RSPO3: variants seen among roughly 807,000 people sequenced by gnomAD.
RSPO3 encodes the protein R-spondin-3.
RSPO3 carries 17 observed loss-of-function variants against 36.5 expected under a neutral mutation model. The observed-to-expected ratio is 0.47, with a 90% CI of 0.32 to 0.70. RSPO3 has a LOEUF of 0.70. RSPO3 is among the 30% of genes least tolerant of loss of function. The probability of loss-of-function intolerance (pLI) is 0.04; values close to 1 mark genes in which losing one functional copy is unlikely to be tolerated. For missense variants in RSPO3, 294 were observed against 322.5 expected, an observed-to-expected ratio of 0.91 and a Z score of 0.68; for synonymous variants, 108 against 107.0, an observed-to-expected ratio of 1.01 and a Z score of -0.06.
chr6:127,144,972 G>A (rs1774353686), intron 1 of RSPO3, among the ~76,000 whole-genome samples: 1 of 152,012 alleles, frequency 6.6e-6, no homozygotes, highest in East Asian at 1.9e-4. Context: ...AGAGACTCAT[G>A]TGTGCATCTC....
At chr6:127,129,122 TC>T (rs1465785494) in intron 1 of RSPO3, among the ~76,000 whole-genome samples, 2 of 152,074 alleles carry the variant, frequency 1.3e-5, no homozygotes. Context: ...TTTCTACAGT[TC>T]CTGACTCACT....
rs888950336 is a variant in RSPO3 at position 127,198,366 on chromosome 6, A to C, written c.*2359A>C. The stretch of plus-strand genomic sequence containing the variant: ...TTTTAACTGTAATTCTCCATCCACC[A>C]GTAACAGATCCTTAAGACAATAGAA... On this transcript the variant is annotated 3_prime_UTR_variant, in exon 5 of 5. Coordinates refer to ENST00000356698, the MANE Select transcript of RSPO3 (RefSeq NM_032784.5). 2.0e-5 allele frequency among the ~76,000 whole-genome samples: 3 copies of C among 152,256 alleles called. No individual in the cohort carries two copies. The highest frequency in any genetic ancestry group is 2.9e-5 in the Non-Finnish European group (2 of 68,046).
At chr6:127,145,786 A>G (rs1249921356) in intron 1 of RSPO3, among the ~76,000 whole-genome samples, 1 of 152,200 alleles carries the variant, frequency 6.6e-6, no homozygotes, top group Non-Finnish European at 1.5e-5. Flanking sequence ...GAAATTCAAA[A>G]TGAAGTTAAT....
In RSPO3 at chr6:127,155,876, G is replaced by GTATATATA. The variant is rs35711172; in HGVS notation, c.634+447_634+454dup. Among the ~76,000 whole-genome samples the GTATATATA allele has an allele frequency of 1.9e-3, 278 of 148,592 alleles. 1 individual carries two copies. Among genetic ancestry groups the GTATATATA allele is most frequent in the African/African-American group, 6.2e-3 (249 of 40,240 alleles). ...TAGTGGTAAGCTTTTGTAGCTAAGT[G>GTATATATA]TATATATATATATATACACACACAC... On this transcript the variant is annotated intron_variant, in intron 4 of 4. Transcript: ENST00000356698.
chr6:127,147,404 T>G (rs1774406293), intron 1 of RSPO3, among the ~76,000 whole-genome samples: 1 of 152,172 alleles, frequency 6.6e-6, no homozygotes, highest in African/African-American at 2.4e-5. Context: ...AAGCCAGAAA[T>G]ACACTGGGAT....
chr6:127,180,622 A>AAGGCAGAT (rs1775165774), intron 4 of RSPO3, among the ~76,000 whole-genome samples: 1 of 151,376 alleles, frequency 6.6e-6, no homozygotes, highest in East Asian at 1.9e-4. Flanking sequence ...TGCAAGAAGT[A>AAGGCAGAT]AGGCAGATGG....
In RSPO3 at chr6:127,198,252, T is replaced by G. The variant is rs2114290687; in HGVS notation, c.*2245T>G. On this transcript the variant is annotated 3_prime_UTR_variant, in exon 5 of 5. Transcript: ENST00000356698. ...CCTTGATGCTAAACTTATATAAAAG[T>G]AGAATTATTACAAAGGAAAAAGAAA... Among the ~76,000 whole-genome samples the G allele has an allele frequency of 6.6e-6, 1 of 152,310 alleles. No individual in the cohort carries two copies. Among genetic ancestry groups the G allele is most frequent in the South Asian group, 2.1e-4 (1 of 4,830 alleles).
At position 127,160,982 on chromosome 6, in the gene RSPO3, C is replaced by T. The variant is rs56161278; in HGVS notation, c.634+5544C>T. Among the ~76,000 whole-genome samples the T allele has an allele frequency of 4.0e-3, 611 of 152,158 alleles. 3 individuals carry two copies. Among genetic ancestry groups the T allele is most frequent in the African/African-American group, 0.014 (573 of 41,506 alleles). On this transcript the variant is annotated intron_variant, in intron 4 of 4. Transcript: ENST00000356698. ...TTTTCTCCTTAGCTATATTACTCAA[C>T]CCTTATTCCTTTTTTTTTTCTTTCC...
chr6:127,168,366 T>G (rs1408093445), intron 4 of RSPO3, among the ~76,000 whole-genome samples: 1 of 43,222 alleles, frequency 2.3e-5, no homozygotes, highest in Non-Finnish European at 6.4e-5. Flanking sequence ...ATGATGAGCA[T>G]TTTTTTCATG....
chr6:127,143,075 T>C (rs1582792446), intron 1 of RSPO3, among the ~76,000 whole-genome samples: 1 of 151,964 alleles, frequency 6.6e-6, no homozygotes, highest in Non-Finnish European at 1.5e-5. Context: ...GGGATTACAG[T>C]TGTGAGCCAC....
At chr6:127,150,188 C>CAA (rs1774463399) in intron 2 of RSPO3, among the ~76,000 whole-genome samples, 1 of 143,054 alleles carries the variant, frequency 7.0e-6, no homozygotes, top group Admixed American at 7.0e-5. Context: ...TATATATATA[C>CAA]ACACACACAA....
intron 1 of RSPO3, among the ~76,000 whole-genome samples, chr6:127,120,653 C>T (rs1406304231): frequency 6.6e-6 from 1 of 152,234 alleles, no homozygotes; most frequent in Non-Finnish European, 1.5e-5. Flanking sequence ...ATGAGGGTCC[C>T]CTGAAAGCTC....
chr6:127,152,538 T>C (rs184132058), intron 3 of RSPO3, among the ~76,000 whole-genome samples: 1 of 152,270 alleles, frequency 6.6e-6, no homozygotes, highest in East Asian at 1.9e-4. Flanking sequence ...TTTTCAGTGC[T>C]GTAATTAGTA....
In RSPO3 at chr6:127,148,655, T is replaced by C; in HGVS notation, c.105T>C (p.Pro35=). The stretch of plus-strand genomic sequence containing the variant: ...CTACATTTGTCTCCACAGTGCATCC[T>C]AACGTTAGTCAAGGCTGCCAAGGAG... The part of the protein sequence containing the change: ...SRGRRQRRMH[P]NVSQGCQGGC... The change falls in exon 2 of 5, where the codon CCT becomes CCC. Residue 35 remains proline, a synonymous_variant. Transcript: ENST00000356698. 6.2e-7 allele frequency: 1 copy of C among 1,612,028 alleles called. No individual in the cohort carries two copies. Among genetic ancestry groups the C allele is most frequent in the Non-Finnish European group, 8.5e-7 (1 of 1,178,710 alleles).
intron 4 of RSPO3, among the ~76,000 whole-genome samples, chr6:127,182,068 G>A (rs1434182392): frequency 6.6e-6 from 1 of 151,832 alleles, no homozygotes; most frequent in East Asian, 1.9e-4. Context: ...GAAGAAAAGA[G>A]AGAGTGTGTG....
At chr6:127,178,969 C>T (rs1202902813) in intron 4 of RSPO3, among the ~76,000 whole-genome samples, 1 of 151,854 alleles carries the variant, frequency 6.6e-6, no homozygotes, top group Admixed American at 6.6e-5. Context: ...TCTGTAACCA[C>T]AGTGATGTGG....
rs539115109 is a variant in RSPO3 at position 127,176,650 on chromosome 6, G to T, written c.635-19173G>T. Among the ~76,000 whole-genome samples the T allele has an allele frequency of 2.6e-5, 4 of 151,842 alleles. No homozygotes were observed. In the South Asian group the frequency reaches 8.3e-4, roughly 32 times the overall value. Reference sequence around the variant, plus strand: ...ACTTCATTTTATGTGTCAACAGAAAGTAATTTAGGATGAATGTATAATAAT... The same window carrying T: ...ACTTCATTTTATGTGTCAACAGAAATTAATTTAGGATGAATGTATAATAAT... On this transcript the variant is annotated intron_variant, in intron 4 of 4. Transcript: ENST00000356698.
At chr6:127,137,312 A>C (rs1239608427) in intron 1 of RSPO3, among the ~76,000 whole-genome samples, 1 of 152,016 alleles carries the variant, frequency 6.6e-6, no homozygotes, top group Non-Finnish European at 1.5e-5. Flanking sequence ...AATCTCTTGA[A>C]CCCGGGAGGC....
intron 1 of RSPO3, among the ~76,000 whole-genome samples, chr6:127,125,636 CAT>C (rs1773925282): frequency 6.6e-6 from 1 of 152,228 alleles, no homozygotes; most frequent in South Asian, 2.1e-4. Flanking sequence ...TACAAACAAA[CAT>C]AAACATTCAT....
Sources: allele counts gnomAD v4.1 joint callset (sites outside exome capture counted in the v4.1 genomes callset), GRCh38; gene constraint gnomAD v4.1.1; transcripts MANE v1.5; gene names NCBI Gene and HGNC (gene_info 2026-07-23, HGNC 2026-07-21).